The following C12orf42 variants were observed in gnomAD, a reference collection of about 807,000 sequenced individuals.
C12orf42 encodes the protein uncharacterized protein C12orf42.
A neutral mutation model predicts 21.6 loss-of-function variants in C12orf42; 25 were observed. The observed-to-expected ratio is 1.16, with a 90% CI of 0.84 to 1.62. The LOEUF is 1.62. Ranked by LOEUF, C12orf42 falls within the 40% of genes most tolerant of loss-of-function variation. C12orf42 has a pLI of 0.00. For missense variants in C12orf42, 483 were observed against 459.3 expected (o/e 1.05, Z -0.47); for synonymous variants, 174 against 175.0 (o/e 0.99, Z 0.05).
the C12orf42 span, among the ~76,000 whole-genome samples, chr12:103,530,621 G>T: frequency 2.8e-5 from 4 of 145,400 alleles, no homozygotes; most frequent in Non-Finnish European, 6.1e-5. Flanking sequence ...CTCCCGGCAA[G>T]TGTTCGGGGG....
rs558585719 is a variant in C12orf42 at position 103,302,441 on chromosome 12, G to A, written c.750C>T (p.Val250=). The A allele has an allele frequency of 1.1e-5, 17 of 1,613,832 alleles. No individual in the cohort carries two copies. The South Asian group carries it at 1.6e-4, about 16-fold the overall frequency. The change falls in exon 6 of 6, where the codon GTC becomes GTT. Residue 250 remains valine (V), a synonymous_variant. Coordinates refer to ENST00000548883, the MANE Select transcript of C12orf42 (RefSeq NM_198521.5). The stretch of plus-strand genomic sequence containing the variant: ...CGGGGTGTGCCTGAGCGCCTGCTGG[G>A]ACTGCCATCCTCTCCTCCGGCTCGA... ...TELEPEERMA[V]PAGAQAHPDD...
At chr12:103,280,159 A>G (rs557176898) in intron 4 of C12orf42, among the ~76,000 whole-genome samples, 2 of 152,270 alleles carry the variant, frequency 1.3e-5, no homozygotes, top group Admixed American at 1.3e-4. Context: ...GTGGATACTG[A>G]TATTACCCAC....
At chr12:103,065,500 TAGTC>T in the C12orf42 span, among the ~76,000 whole-genome samples, 1 of 152,222 alleles carries the variant, frequency 6.6e-6, no homozygotes, top group Non-Finnish European at 1.5e-5. Flanking sequence ...GTCATAATCT[TAGTC>T]AGAGAGATCT....
At chr12:103,346,593 T>C (rs199887093) in intron 4 of C12orf42, among the ~76,000 whole-genome samples, 2 of 152,280 alleles carry the variant, frequency 1.3e-5, no homozygotes, top group Non-Finnish European at 2.9e-5. Flanking sequence ...TAGATGTAAT[T>C]AGCAGAGAAA....
chr12:103,061,773 T>C, the C12orf42 span, among the ~76,000 whole-genome samples: 1 of 151,996 alleles, frequency 6.6e-6, no homozygotes, highest in Non-Finnish European at 1.5e-5. Context: ...GAGGTATCTC[T>C]TATAAGGCAC....
intron 4 of C12orf42, among the ~76,000 whole-genome samples, chr12:103,366,805 T>A (rs532946981): frequency 6.6e-6 from 1 of 151,686 alleles, no homozygotes; most frequent in Non-Finnish European, 1.5e-5. Flanking sequence ...AAATAATAGA[T>A]GTTGGTATGG....
At chr12:103,440,810 G>GA (rs201442276) in intron 2 of C12orf42, among the ~76,000 whole-genome samples, 82 of 150,598 alleles carry the variant, frequency 5.4e-4, no homozygotes, top group African/African-American at 1.6e-3. Context: ...GTTCTACAGT[G>GA]AAAAAAAAAG....
At chr12:103,526,109 CAT>C in the C12orf42 span, among the ~76,000 whole-genome samples, 1 of 152,194 alleles carries the variant, frequency 6.6e-6, no homozygotes, top group African/African-American at 2.4e-5. Flanking sequence ...CAATCACCCA[CAT>C]GTGTTTTATC....
intron 2 of C12orf42, among the ~76,000 whole-genome samples, chr12:103,472,982 A>G (rs1165190482): frequency 6.6e-6 from 1 of 152,214 alleles, no homozygotes; most frequent in South Asian, 2.1e-4. Context: ...TTAGTTCTGC[A>G]TCATCCAAAG....
the C12orf42 span, among the ~76,000 whole-genome samples, chr12:103,526,486 T>C: frequency 2.6e-5 from 4 of 152,202 alleles, no homozygotes; most frequent in Non-Finnish European, 5.9e-5. Context: ...TTTCATTGTA[T>C]CCCCAGGAGA....
the C12orf42 span, among the ~76,000 whole-genome samples, chr12:103,202,321 C>T: frequency 6.6e-6 from 1 of 152,144 alleles, no homozygotes; most frequent in Non-Finnish European, 1.5e-5. Flanking sequence ...CAAACAAAGG[C>T]CTTTTGAGAC....
At chr12:103,520,710 T>C in the C12orf42 span, among the ~76,000 whole-genome samples, 7 of 151,880 alleles carry the variant, frequency 4.6e-5, no homozygotes, top group Non-Finnish European at 7.4e-5. Context: ...AAAATAAAAC[T>C]AACAAAAACT....
chr12:103,144,687 G>T, the C12orf42 span, among the ~76,000 whole-genome samples: 1 of 152,130 alleles, frequency 6.6e-6, no homozygotes, highest in Non-Finnish European at 1.5e-5. Context: ...TAATCTTGAT[G>T]GGGGGAGGAG....
chr12:103,215,465 C>T, the C12orf42 span, among the ~76,000 whole-genome samples: 2 of 152,068 alleles, frequency 1.3e-5, no homozygotes, highest in Non-Finnish European at 2.9e-5. Flanking sequence ...CTTCTGTATC[C>T]CTCTCCACAG....
At chr12:103,210,054 T>C in the C12orf42 span, among the ~76,000 whole-genome samples, 1 of 142,864 alleles carries the variant, frequency 7.0e-6, no homozygotes, top group Non-Finnish European at 1.5e-5. Flanking sequence ...TCTTCCATAC[T>C]TTTTTTTTTT....
chr12:103,551,923 A>G, the C12orf42 span, among the ~76,000 whole-genome samples: 1 of 152,198 alleles, frequency 6.6e-6, no homozygotes, highest in Non-Finnish European at 1.5e-5. Context: ...TAGTCTAGTT[A>G]GGGTGATGAT....
At chr12:103,326,609 C>G (rs1566085672) in intron 4 of C12orf42, among the ~76,000 whole-genome samples, 1 of 152,194 alleles carries the variant, frequency 6.6e-6, no homozygotes, top group African/African-American at 2.4e-5. Flanking sequence ...CTGCTCCAAG[C>G]TTGTTCCTAC....
At chr12:103,134,020 C>A in the C12orf42 span, among the ~76,000 whole-genome samples, 2 of 152,208 alleles carry the variant, frequency 1.3e-5, no homozygotes, top group African/African-American at 4.8e-5. Context: ...TACCCAGTCT[C>A]AAGTATGTCT....
At chr12:103,145,187 T>A in the C12orf42 span, among the ~76,000 whole-genome samples, 1 of 152,210 alleles carries the variant, frequency 6.6e-6, no homozygotes, top group Non-Finnish European at 1.5e-5. Context: ...CATTTCGAAC[T>A]GTTTAGATTT....
Sources: gnomAD v4.1 joint callset for allele counts (sites outside exome capture counted in the v4.1 genomes callset) on GRCh38, gnomAD v4.1.1 for gene constraint, MANE v1.5 for transcripts, NCBI Gene and HGNC (gene_info 2026-07-23, HGNC 2026-07-21) for gene names.